SVOPL: variants seen among roughly 807,000 people sequenced by gnomAD.
SVOPL encodes putative transporter SVOPL.
SVOPL carries 60 observed loss-of-function variants against 61.0 expected under a neutral mutation model. The observed-to-expected ratio is 0.98, with a 90% CI of 0.80 to 1.22. SVOPL has a LOEUF of 1.22. Among genes scored for constraint, SVOPL ranks in the 50% most tolerant of loss-of-function variants. The probability of loss-of-function intolerance (pLI) is 0.00; values close to 1 mark genes in which losing one functional copy is unlikely to be tolerated. For missense variants in SVOPL, 662 were observed against 643.9 expected, an observed-to-expected ratio of 1.03 and a Z score of -0.30; for synonymous variants, 279 against 250.0, an observed-to-expected ratio of 1.12 and a Z score of -1.09.
intron 9 of SVOPL, among the ~76,000 whole-genome samples, chr7:138,631,960 T>TCACACACA (rs756332176): frequency 0.048 from 7,034 of 147,022 alleles, 517 homozygotes; most frequent in African/African-American, 0.16. Flanking sequence ...TGCTCTGATA[T>TCACACACA]CACACACACA....
chr7:138,699,812 G>A (rs538247812), intron 1 of SVOPL, among the ~76,000 whole-genome samples: 5 of 152,320 alleles, frequency 3.3e-5, no homozygotes, highest in Admixed American at 2.6e-4. Flanking sequence ...CCGGAACAGC[G>A]TTCAGTGCCC....
intron 4 of SVOPL, among the ~76,000 whole-genome samples, chr7:138,669,458 A>T (rs745811763): frequency 6.6e-6 from 1 of 152,206 alleles, no homozygotes; most frequent in Non-Finnish European, 1.5e-5. Context: ...AATTATCTTA[A>T]ACCTGCTCCC....
At chr7:138,608,181 G>C (rs1185332115) in intron 14 of SVOPL, among the ~76,000 whole-genome samples, 1 of 152,134 alleles carries the variant, frequency 6.6e-6, no homozygotes, top group East Asian at 1.9e-4. Context: ...CAGAAAAAAA[G>C]TCAATTTTTC....
At chr7:138,624,284 A>G (rs1481543626) in intron 13 of SVOPL, among the ~76,000 whole-genome samples, 1 of 152,146 alleles carries the variant, frequency 6.6e-6, no homozygotes, top group Non-Finnish European at 1.5e-5. Flanking sequence ...GTCAGCCCAT[A>G]ATTCTTTTAT....
chr7:138,658,780 C>A (rs1358475637), intron 6 of SVOPL, among the ~76,000 whole-genome samples: 1 of 152,140 alleles, frequency 6.6e-6, no homozygotes, highest in Non-Finnish European at 1.5e-5. Context: ...TCACTAAAAA[C>A]CAAACAAAGC....
intron 9 of SVOPL, among the ~76,000 whole-genome samples, chr7:138,641,092 A>G (rs972930): frequency 0.12 from 18,777 of 151,976 alleles, 1,276 homozygotes; most frequent in African/African-American, 0.16. Flanking sequence ...GGTCCTAGCT[A>G]TTCTGGAGGC....
intron 14 of SVOPL, among the ~76,000 whole-genome samples, chr7:138,615,296 G>A (rs1488362084): frequency 1.3e-5 from 2 of 152,132 alleles, no homozygotes; most frequent in African/African-American, 2.4e-5. Context: ...GATGGCTCAC[G>A]CCTGTAATCC....
rs1215393287 is a variant in SVOPL, at chr7:138,641,831, T to TATATATAA, written c.789+2885_789+2886insTTATATAT. On this transcript the variant is annotated intron_variant, in intron 9 of 15. Transcript: ENST00000674285. Reference sequence around the variant, plus strand: ...TATATATGTTATATATATATATATATATAACATATATATATAACATATATA... The same window carrying TATATATAA: ...TATATATGTTATATATATATATATATATATATAAATAACATATATATATAACATATATA... Among the ~76,000 whole-genome samples the TATATATAA allele has an allele frequency of 2.4e-4, 16 of 66,878 alleles. No homozygotes were observed. In the East Asian group the frequency reaches 4.9e-3, roughly 21 times the overall value. The allele number at this position is 66,878 out of a possible 152,430, so 43.9% of individuals were successfully genotyped here.
At chr7:138,631,721 A>C (rs541631705) in intron 9 of SVOPL, among the ~76,000 whole-genome samples, 13 of 152,146 alleles carry the variant, frequency 8.5e-5, no homozygotes, top group African/African-American at 3.1e-4. Context: ...GGTGTACATC[A>C]AATCGTCCAG....
At chr7:138,638,680 AG>A (rs1242602965) in intron 9 of SVOPL, among the ~76,000 whole-genome samples, 5 of 152,200 alleles carry the variant, frequency 3.3e-5, no homozygotes, top group Non-Finnish European at 7.3e-5. Flanking sequence ...TAAGGTCCAA[AG>A]CCATATAAAT....
chr7:138,626,044 G>C lies in SVOPL; in HGVS notation c.1188C>G (p.Gly396=). 6.2e-7 allele frequency: 1 copy of C among 1,614,082 alleles called. No individual in the cohort carries two copies. The highest frequency in any genetic ancestry group is 8.5e-7 in the Non-Finnish European group (1 of 1,180,008). The change falls in exon 13 of 16, where the codon GGC becomes GGG. Residue 396 remains glycine (G), a synonymous_variant. Transcript: ENST00000674285. ...TCAGCATGAAGAGGAAGCCAATCAG[G>C]CCGGCACTAGAAAACAGGAAGCGGA... The part of the protein sequence containing the change: ...LLLNICTSSA[G]LIGFLFMLRA...
Position 138,672,651 on chromosome 7 carries a change from G to GTTTT in SVOPL, c.175-535_175-534insAAAA, listed in dbSNP as rs199697792. 2.3e-3 allele frequency among the ~76,000 whole-genome samples: 240 copies of GTTTT among 105,344 alleles called. 3 individuals are homozygous for GTTTT. Among genetic ancestry groups the GTTTT allele is most frequent in the African/African-American group, 7.8e-3 (221 of 28,464 alleles). The allele number at this position is 105,344 out of a possible 152,430, so 69.1% of individuals were successfully genotyped here. A position where few individuals can be genotyped will look rare whatever the true frequency, so the allele number is the denominator to read the frequency against. On this transcript the variant is annotated intron_variant, in intron 3 of 15. Transcript: ENST00000674285. ...CATCAGCAGGAAAGTGTTTTTTTTT[G>GTTTT]TGTTTAAAAAAAAAAAAAAAAAAAG...
At chr7:138,655,457 A>G (rs556700095) in intron 7 of SVOPL, among the ~76,000 whole-genome samples, 2 of 152,170 alleles carry the variant, frequency 1.3e-5, no homozygotes, top group East Asian at 3.9e-4. Flanking sequence ...GTGAGCCAAG[A>G]TGGCGCCATT....
At chr7:138,627,863 T>C (rs1194936344) in intron 11 of SVOPL, among the ~76,000 whole-genome samples, 1 of 152,234 alleles carries the variant, frequency 6.6e-6, no homozygotes, top group Non-Finnish European at 1.5e-5. Flanking sequence ...GAAATAATGC[T>C]GTCAATTGCT....
rs535660443 is a variant in SVOPL, at chr7:138,678,983, G to C, written c.63C>G (p.Thr21=). ...ILSLRKLSLG[T]AEPQVKEPKT... is the part of the protein sequence containing the mutation. ...TCTCACCTTTAACCTGTGGCTCTGC[G>C]GTCCCCAGGCTCAATTTCCGAAGGC... Residue 21 remains threonine, a synonymous_variant, in exon 2 of 16, where the codon ACC becomes ACG. Transcript: ENST00000674285. 10 of 1,551,476 alleles carry C rather than the reference G, an allele frequency of 6.4e-6. No individual in the cohort carries two copies.
intron 14 of SVOPL, among the ~76,000 whole-genome samples, chr7:138,604,677 C>CAAAAAAAAAAAAAAAAAAAAAAAATAA (rs5887890): frequency 1.7e-5 from 1 of 58,814 alleles, no homozygotes; most frequent in Non-Finnish European, 2.9e-5. Context: ...AACTTTATCT[C>CAAAAAAAAAAAAAAAAAAAAAAAATAA]AAAAAAAAAA....
intron 5 of SVOPL, chr7:138,660,465 TCTTAACA>T: frequency 1.0e-6 from 1 of 986,832 alleles, no homozygotes; most frequent in South Asian, 4.7e-5. Context: ...AGAAGATAAC[TCTTAACA>T]CTGTTTTATC....
chr7:138,663,603 A>C, intron 4 of SVOPL: 1 of 989,316 alleles, frequency 1.0e-6, no homozygotes, highest in Non-Finnish European at 1.2e-6. Context: ...CAGAACATTC[A>C]TAAGTCCTAA....
rs374772512 is a variant in SVOPL at position 138,688,589 on chromosome 7, G to A, written c.-34-9510C>T. Among the ~76,000 whole-genome samples the A allele has an allele frequency of 4.7e-4, 72 of 152,210 alleles. 2 individuals are homozygous for A. Among genetic ancestry groups the A allele is most frequent in the African/African-American group, 1.7e-3 (71 of 41,528 alleles). On this transcript the variant is annotated intron_variant, in intron 1 of 15. Coordinates refer to ENST00000674285, the MANE Select transcript of SVOPL (RefSeq NM_001139456.2). ...CCAGCCAGATCCCTAAAATTAAAAA[G>A]GTAGGCAGTATGTTTCTCATACTTT...
Sources: allele counts gnomAD v4.1 joint callset (sites outside exome capture counted in the v4.1 genomes callset), GRCh38; gene constraint gnomAD v4.1.1; transcripts MANE v1.5; gene names NCBI Gene and HGNC (gene_info 2026-07-23, HGNC 2026-07-21).